The following NDUFAB1 variants were observed in gnomAD, a reference collection of about 807,000 sequenced individuals.
The protein encoded by NDUFAB1 is NADH:ubiquinone oxidoreductase subunit AB1, also known as acyl carrier protein, mitochondrial.
Under a neutral mutation model 16.1 loss-of-function variants are expected in NDUFAB1, and 5 were observed. The ratio of observed to expected loss-of-function variants is 0.31; its 90% confidence interval spans 0.16 to 0.65. NDUFAB1 has a LOEUF of 0.65. NDUFAB1 is among the 30% of genes least tolerant of loss of function. The pLI is 0.77. For missense variants in NDUFAB1, 187 were observed against 205.3 expected, an observed-to-expected ratio of 0.91 and a Z score of 0.54; for synonymous variants, 85 against 78.4, an observed-to-expected ratio of 1.08 and a Z score of -0.44.
chr16:23,582,358 T>C lies in NDUFAB1; in HGVS notation c.397A>G (p.Ile133Val), dbSNP rs746831052. The C allele has an allele frequency of 7.6e-6, 12 of 1,571,330 alleles. No homozygotes were observed. The highest frequency in any genetic ancestry group is 1.2e-5 in the South Asian group (1 of 83,520). Residue 133 changes from isoleucine (I) to valine (V), a missense_variant, in exon 4 of 5, where the codon ATA becomes GTA. Ile to Val is a conservative substitution (Grantham distance 29). This residue lies in a region of NDUFAB1 where 32 missense variants were observed against 28.8 expected (regional missense o/e 1.11). Transcript: ENST00000007516. ...EDEFGFEIPD[I>V]DAEKLMCPQE... ...GGACACATTAACTTTTCAGCATCTA[T>C]ATCAGGAATTTCAAACCCTAAAAGA...
At chr16:23,595,395 A>AC (rs1461895635) in intron 1 of NDUFAB1, 2 of 366,148 alleles carry the variant, frequency 5.5e-6, no homozygotes, top group African/African-American at 4.3e-5. Context: ...TGGTTCCAGG[A>AC]CCCCCGACTA....
chr16:23,596,009 TGCCCC>T (rs1345023175), intron 1 of NDUFAB1, 109 bp downstream of exon 1: 1 of 1,287,936 alleles, frequency 7.8e-7, no homozygotes, highest in Non-Finnish European at 1.0e-6. Context: ...GCGAGCCGGC[TGCCCC>T]CCGGGTCACC....
intron 3 of NDUFAB1, among the ~76,000 whole-genome samples, chr16:23,582,989 G>A (rs899456565): frequency 1.9e-4 from 29 of 152,276 alleles, no homozygotes; most frequent in Non-Finnish European, 3.4e-4. Context: ...ACTGGTTTTC[G>A]TATTTTTTTG....
chr16:23,595,961 G>C (rs1162879129), intron 1 of NDUFAB1, among the ~76,000 whole-genome samples, 162 bp downstream of exon 1: 1 of 152,240 alleles, frequency 6.6e-6, no homozygotes, highest in East Asian at 1.9e-4. Flanking sequence ...CCTCCCGTCA[G>C]GGGTCAACTA....
chr16:23,587,039 A>T (rs147052941), intron 2 of NDUFAB1, among the ~76,000 whole-genome samples, 158 bp downstream of exon 2: 1 of 152,332 alleles, frequency 6.6e-6, no homozygotes, highest in Non-Finnish European at 1.5e-5. Context: ...TACCTTTGGA[A>T]ACATACATGA....
chr16:23,581,546 TA>T (rs60306232), intron 4 of NDUFAB1, among the ~76,000 whole-genome samples: 3,043 of 122,968 alleles, frequency 0.025, 36 homozygotes, highest in African/African-American at 0.051. Context: ...GTTCCATCTT[TA>T]AAAAAAAAAA....
chr16:23,583,922 C>A (rs1966207571), intron 3 of NDUFAB1, among the ~76,000 whole-genome samples: 1 of 152,100 alleles, frequency 6.6e-6, no homozygotes, highest in East Asian at 1.9e-4. Context: ...AAGAAAAATT[C>A]TTCTGCCTTG....
intron 3 of NDUFAB1, among the ~76,000 whole-genome samples, chr16:23,583,968 G>A (rs1966208348): frequency 1.3e-5 from 2 of 151,690 alleles, no homozygotes; most frequent in Admixed American, 6.6e-5. Context: ...CCCCAACCCG[G>A]TGCTCTCTGA....
chr16:23,591,937 G>T (rs888409222), intron 1 of NDUFAB1, among the ~76,000 whole-genome samples: 2 of 152,192 alleles, frequency 1.3e-5, no homozygotes, highest in African/African-American at 4.8e-5. Flanking sequence ...GGCTGGAAAT[G>T]CAAAGATGAA....
intron 3 of NDUFAB1, among the ~76,000 whole-genome samples, chr16:23,584,866 C>T (rs1966219928): frequency 6.6e-6 from 1 of 152,250 alleles, no homozygotes; most frequent in Non-Finnish European, 1.5e-5. Context: ...ACCTGCCCAA[C>T]ACACAGTCCC....
chr16:23,595,256 G>A (rs998914198), intron 1 of NDUFAB1, among the ~76,000 whole-genome samples: 1 of 152,088 alleles, frequency 6.6e-6, no homozygotes, highest in African/African-American at 2.4e-5. Flanking sequence ...GTGACAGAGC[G>A]AGACTCTGTC....
chr16:23,584,255 TAAAAAAAAAAAAA>T (rs58853102), intron 3 of NDUFAB1, among the ~76,000 whole-genome samples: 5 of 34,064 alleles, frequency 1.5e-4, no homozygotes, highest in Non-Finnish European at 3.0e-4. Flanking sequence ...AATGATCAAT[TAAAAAAAAAAAAA>T]AAAAAAGAAA....
intron 2 of NDUFAB1, 63 bp from the exon 3 acceptor site, chr16:23,585,486 C>G: frequency 8.7e-7 from 1 of 1,153,220 alleles, no homozygotes; most frequent in Non-Finnish European, 1.3e-6. Context: ...CCCAAGATAA[C>G]AGGGTGGTAC....
intron 3 of NDUFAB1, among the ~76,000 whole-genome samples, chr16:23,582,811 G>A (rs1289018786): frequency 3.1e-5 from 4 of 129,814 alleles, no homozygotes; most frequent in East Asian, 4.5e-4. Flanking sequence ...CTCTTCCCAC[G>A]GTCTCCCTCT....
chr16:23,586,709 C>T (rs1208495077), intron 2 of NDUFAB1, among the ~76,000 whole-genome samples: 7 of 151,848 alleles, frequency 4.6e-5, no homozygotes, highest in East Asian at 1.9e-4. Flanking sequence ...ACTGCAATCA[C>T]GCTATCTCGG....
intron 3 of NDUFAB1, among the ~76,000 whole-genome samples, chr16:23,583,823 G>A (rs1262664174): frequency 1.3e-5 from 2 of 152,144 alleles, no homozygotes; most frequent in Admixed American, 6.5e-5. Context: ...AGAAAAGGGG[G>A]AAATGTGGGG....
chr16:23,586,736 C>T (rs1597054056), intron 2 of NDUFAB1, among the ~76,000 whole-genome samples: 1 of 152,246 alleles, frequency 6.6e-6, no homozygotes, highest in Non-Finnish European at 1.5e-5. Flanking sequence ...GCAACCTCCA[C>T]CTCCCGGGTT....
At chr16:23,592,340 GAAAAA>G (rs941048329) in intron 1 of NDUFAB1, among the ~76,000 whole-genome samples, 11 of 120,646 alleles carry the variant, frequency 9.1e-5, no homozygotes, top group African/African-American at 3.3e-4. Flanking sequence ...ACCTTGTCTG[GAAAAA>G]AAAAAAAAAA....
At position 23,596,215 on chromosome 16, in the gene NDUFAB1, G is replaced by C; in HGVS notation, c.76C>G (p.Leu26Val). Residue 26 changes from leucine (L) to valine (V), a missense_variant, in exon 1 of 5, where the codon CTG (leucine) becomes GTG (valine). This residue lies in a region of NDUFAB1 where 135 missense variants were observed against 129.4 expected (regional missense o/e 1.04). Transcript: ENST00000007516. ...AFAPLPRVRM[L>V]AVARPLSTAL... ...GTGCTGAGAGGCCGGGCCACGGCCA[G>C]CATCCGGACCCGGGGCAGCGGCGCA... is the stretch of plus-strand genomic sequence containing the variant. 1 of 1,609,440 alleles carries C rather than the reference G, an allele frequency of 6.2e-7. No individual in the cohort carries two copies. Among genetic ancestry groups the C allele is most frequent in the Non-Finnish European group, 8.5e-7 (1 of 1,178,542 alleles).
Sources: allele counts gnomAD v4.1 joint callset (sites outside exome capture counted in the v4.1 genomes callset), GRCh38; gene constraint gnomAD v4.1.1; regional missense constraint gnomAD v4.1.1; transcripts MANE v1.5; gene names NCBI Gene and HGNC (gene_info 2026-07-23, HGNC 2026-07-21).